Variants in SESN1 observed in about 807,000 individuals in gnomAD.
The protein encoded by SESN1 is sestrin 1, also known as sestrin-1.
A neutral mutation model predicts 59.3 loss-of-function variants in SESN1; 30 were observed. The ratio of observed to expected loss-of-function variants is 0.51; its 90% CI spans 0.38 to 0.69. The LOEUF (loss-of-function observed/expected upper bound fraction) is 0.69, where lower values mean the gene tolerates loss of function less well. SESN1 is among the 30% of genes least tolerant of loss of function. SESN1 has a pLI of 0.00. For synonymous variants in SESN1, 197 were observed against 219.9 expected, an observed-to-expected ratio of 0.90 and a Z score of 0.92; for missense variants, 566 against 673.0, an observed-to-expected ratio of 0.84 and a Z score of 1.76.
At position 109,000,691 on chromosome 6, in the gene SESN1, A is replaced by AT. The variant is rs1270731181; in HGVS notation, c.547-19dup. 1.3e-6 allele frequency: 2 copies of AT among 1,505,830 alleles called. No individual in the cohort carries two copies. The highest frequency in any genetic ancestry group is 1.8e-6 in the Non-Finnish European group (2 of 1,126,258). The allele number at this position is 1,505,830 out of a possible 1,614,324, so 93.3% of individuals were successfully genotyped here. A position where few individuals can be genotyped will look rare whatever the true frequency, so the allele number is the denominator to read the frequency against. On this transcript the variant is annotated intron_variant, in intron 3 of 9. Transcript: ENST00000436639. ...GCCGCAGCCTTAAAACAAAAAGATT[A>AT]TTCTAATTATAAATATTAAAACCTT... is the stretch of plus-strand genomic sequence containing the variant.
intron 1 of SESN1, among the ~76,000 whole-genome samples, chr6:109,059,330 C>T (rs1012269002): frequency 1.3e-5 from 2 of 152,140 alleles, no homozygotes; most frequent in East Asian, 3.9e-4. Flanking sequence ...ATAGTTGCTA[C>T]TGCAACGATC....
chr6:109,041,138 T>TA lies in SESN1; in HGVS notation c.280-38796dup, dbSNP rs753319284. Among the ~76,000 whole-genome samples, 967 of 134,970 alleles carry TA rather than the reference T, an allele frequency of 7.2e-3. 1 individual carries two copies. The highest frequency in any genetic ancestry group is 0.015 in the Middle Eastern group (4 of 274). The allele number at this position is 134,970 out of a possible 152,430, so 88.5% of individuals were successfully genotyped here. On this transcript the variant is annotated intron_variant, in intron 1 of 9. Transcript: ENST00000436639. ...CAACATAGTGGGACCCTGTTTCTAT[T>TA]AAAAAAAAAAAAAACAAACCAAAAC...
intron 1 of SESN1, among the ~76,000 whole-genome samples, chr6:109,044,311 C>CAAAAAAAAAAAA (rs71015570): frequency 3.5e-5 from 1 of 28,458 alleles, no homozygotes; most frequent in Non-Finnish European, 5.4e-5. Flanking sequence ...GAACTTGCCT[C>CAAAAAAAAAAAA]AAAAAAAAAA....
chr6:109,048,925 A>G (rs746698458), intron 1 of SESN1, among the ~76,000 whole-genome samples: 2 of 152,212 alleles, frequency 1.3e-5, no homozygotes, highest in Admixed American at 6.5e-5. Context: ...TACTTAAAAC[A>G]TAACAATGGT....
intron 1 of SESN1, chr6:109,009,049 T>C: frequency 1.0e-6 from 1 of 962,840 alleles, no homozygotes; most frequent in Non-Finnish European, 1.3e-6. Flanking sequence ...GACGACAATG[T>C]TATTTACGTA....
intron 1 of SESN1, among the ~76,000 whole-genome samples, chr6:109,049,927 G>A (rs1002813569): frequency 6.6e-6 from 1 of 152,010 alleles, no homozygotes; most frequent in Admixed American, 6.6e-5. Context: ...GTCTGACTTT[G>A]GTTTGAAACA....
intron 1 of SESN1, among the ~76,000 whole-genome samples, chr6:109,006,197 C>T (rs1452418029): frequency 2.0e-5 from 3 of 152,150 alleles, no homozygotes; most frequent in Admixed American, 6.5e-5. Context: ...CTACAATATT[C>T]ATGAAAAAGT....
intron 1 of SESN1, among the ~76,000 whole-genome samples, chr6:109,092,955 T>A (rs1436986716): frequency 6.6e-6 from 1 of 152,158 alleles, no homozygotes; most frequent in South Asian, 2.1e-4. Context: ...ATTTTAAAAA[T>A]CTCTCATACA....
At chr6:109,027,251 T>C (rs946989399) in intron 1 of SESN1, among the ~76,000 whole-genome samples, 1 of 151,914 alleles carries the variant, frequency 6.6e-6, no homozygotes, top group Non-Finnish European at 1.5e-5. Context: ...GGTGGGCAGA[T>C]TGCCTGAGGT....
At chr6:109,054,340 A>G (rs1322764061) in intron 1 of SESN1, among the ~76,000 whole-genome samples, 1 of 152,184 alleles carries the variant, frequency 6.6e-6, no homozygotes, top group Admixed American at 6.5e-5. Context: ...TTCTCAGTTT[A>G]ACAGAAGAGA....
rs754599723 is a variant in SESN1 at position 109,000,524 on chromosome 6, A to G, written c.696T>C (p.His232=). The G allele has an allele frequency of 7.3e-5, 118 of 1,606,702 alleles. No homozygotes were observed. Among genetic ancestry groups the G allele is most frequent in the Non-Finnish European group, 9.5e-5 (112 of 1,176,262 alleles). ...NLGELNKVLA[H]RPWLITKEHI... is the part of the protein sequence containing the mutation. ...GTTCTTTGGTAATAAGCCAAGGTCT[A>G]TGGGCTAACACTTTGTTAAGTTCTC... is the stretch of plus-strand genomic sequence containing the variant. Residue 232 remains histidine, a synonymous_variant, in exon 4 of 10, where the codon CAT becomes CAC. Transcript: ENST00000436639.
chr6:108,990,980 C>A, intron 7 of SESN1, 145 bp from the exon 8 acceptor site: 1 of 637,624 alleles, frequency 1.6e-6, no homozygotes, highest in Non-Finnish European at 2.6e-6. Flanking sequence ...CACTTACACT[C>A]CAATCTTTTT....
chr6:108,985,629 G>C lies in SESN1; in HGVS notation c.*1915C>G, dbSNP rs1035098954. 6.6e-6 allele frequency among the ~76,000 whole-genome samples: 1 copy of C among 152,182 alleles called. No homozygotes were observed. Among genetic ancestry groups the C allele is most frequent in the Non-Finnish European group, 1.5e-5 (1 of 68,034 alleles). On this transcript the variant is annotated 3_prime_UTR_variant, in exon 10 of 10. Coordinates refer to ENST00000436639, the MANE Select transcript of SESN1 (RefSeq NM_014454.3). ...AATTTCTAAGTGATTATAAGTTCCAGTGGACTAAATGCATTCTAGTTGATC... is the reference window on the plus strand; with the variant it reads ...AATTTCTAAGTGATTATAAGTTCCACTGGACTAAATGCATTCTAGTTGATC...
rs886240912 is a variant in SESN1 at position 108,984,514 on chromosome 6, C to T, written c.*3030G>A. ...GAGCAGAGCCCTCTTGATCTTATCA[C>T]CTCCCAAAGGCCTACTTTTTTAATA... is the stretch of plus-strand genomic sequence containing the variant. On this transcript the variant is annotated 3_prime_UTR_variant, in exon 10 of 10. Transcript: ENST00000436639. Among the ~76,000 whole-genome samples, 1 of 152,120 alleles carries T rather than the reference C, an allele frequency of 6.6e-6. No individual in the cohort carries two copies. Among genetic ancestry groups the T allele is most frequent in the Non-Finnish European group, 1.5e-5 (1 of 68,026 alleles).
rs139345920 is a variant in SESN1, at chr6:109,044,054, C to T, written c.280-41711G>A. Among the ~76,000 whole-genome samples, 1,072 of 152,030 alleles carry T rather than the reference C, an allele frequency of 7.1e-3. 12 individuals carry two copies. The highest frequency in any genetic ancestry group is 0.024 in the African/African-American group (1,005 of 41,442). ...AAGTGGCCAGGTATGGTGGCTCACA[C>T]CTGTAATCCCAGCACTTTGGGAGGC... On this transcript the variant is annotated intron_variant, in intron 1 of 9. Coordinates refer to ENST00000436639, the MANE Select transcript of SESN1 (RefSeq NM_014454.3).
intron 1 of SESN1, chr6:109,009,500 G>A (rs965760004): frequency 1.2e-5 from 14 of 1,214,818 alleles, no homozygotes; most frequent in African/African-American, 1.6e-5. Flanking sequence ...GAGGCGGCGA[G>A]CGCTGGGCAG....
chr6:109,083,777 A>G (rs1014921496), intron 1 of SESN1, among the ~76,000 whole-genome samples: 6 of 152,240 alleles, frequency 3.9e-5, no homozygotes, highest in African/African-American at 9.6e-5. Context: ...ACCATTGAAC[A>G]TATCACTCTA....
intron 1 of SESN1, 33 bp from the exon 2 acceptor site, chr6:109,002,376 T>G: frequency 1.2e-5 from 18 of 1,527,486 alleles, no homozygotes; most frequent in African/African-American, 1.4e-5. Flanking sequence ...CTCAGGCCTT[T>G]GGCAGTAAAC....
intron 1 of SESN1, among the ~76,000 whole-genome samples, chr6:109,092,500 T>C (rs1253215579): frequency 6.6e-6 from 1 of 152,046 alleles, no homozygotes; most frequent in Non-Finnish European, 1.5e-5. Flanking sequence ...AGCAGCAAAA[T>C]GAAAGATCAG....
Sources: allele counts gnomAD v4.1 joint callset (sites outside exome capture counted in the v4.1 genomes callset), GRCh38; gene constraint gnomAD v4.1.1; transcripts MANE v1.5; gene names NCBI Gene and HGNC (gene_info 2026-07-23, HGNC 2026-07-21).